The following HELLS variants were observed in gnomAD, a reference collection of about 807,000 sequenced individuals.
HELLS encodes the protein lymphoid-specific helicase.
In HELLS, 32 loss-of-function variants were observed where a neutral mutation model predicts 120.0. The ratio of observed to expected loss-of-function variants is 0.27; its 90% CI spans 0.20 to 0.36. HELLS has a LOEUF of 0.36. Ranked by LOEUF, HELLS falls within the 10% of genes least tolerant of loss-of-function variation. HELLS has a pLI of 1.00. For synonymous variants in HELLS, 341 were observed against 323.4 expected (o/e 1.05, Z -0.58); for missense variants, 650 against 993.4 (o/e 0.65, Z 4.65).
chr10:94,571,793 A>ATTTT (rs764892165), intron 7 of HELLS, among the ~76,000 whole-genome samples: 21 of 152,272 alleles, frequency 1.4e-4, no homozygotes, highest in Non-Finnish European at 1.8e-4. Context: ...GACCTTAAAG[A>ATTTT]TTTTTTAAGT....
At chr10:94,564,309 C>G (rs546146929) in intron 6 of HELLS, among the ~76,000 whole-genome samples, 1 of 152,292 alleles carries the variant, frequency 6.6e-6, no homozygotes, top group East Asian at 1.9e-4. Context: ...AGTAAAGACA[C>G]TGTCTGACCA....
At chr10:94,551,217 G>A (rs191488948) in intron 2 of HELLS, among the ~76,000 whole-genome samples, 24 of 152,220 alleles carry the variant, frequency 1.6e-4, no homozygotes, top group African/African-American at 5.5e-4. Flanking sequence ...TAATGAGTAT[G>A]CATTACTTTT....
chr10:94,559,620 ATTT>A (rs959282033), intron 4 of HELLS, among the ~76,000 whole-genome samples: 4 of 151,490 alleles, frequency 2.6e-5, no homozygotes, highest in African/African-American at 9.7e-5. Flanking sequence ...TAATTTTTGT[ATTT>A]TTAGTAGAGA....
chr10:94,546,589 T>A (rs192754969), intron 2 of HELLS, 91 bp downstream of exon 2: 2 of 1,392,382 alleles, frequency 1.4e-6, no homozygotes, highest in East Asian at 4.6e-5. Context: ...GCTTTCCTAT[T>A]TAGTGGGCTT....
At chr10:94,572,646 C>T (rs1295078581) in intron 7 of HELLS, among the ~76,000 whole-genome samples, 1 of 152,208 alleles carries the variant, frequency 6.6e-6, no homozygotes, top group Non-Finnish European at 1.5e-5. Context: ...ATAATTTGCA[C>T]ACAAGTCCAT....
In HELLS at chr10:94,590,705, C is replaced by T; in HGVS notation, c.1696C>T (p.Leu566=). Residue 566 remains leucine, a synonymous_variant, in exon 15 of 22, where the codon CTA becomes TTA. Transcript: ENST00000348459. ...TCTGAAGCTGCAGAATATAATGATG[C>T]TACTTCGTAAATGTTGTAATCATCC... is the stretch of plus-strand genomic sequence containing the variant. The part of the protein sequence containing the change: ...VNLKLQNIMM[L]LRKCCNHPYL... 1 of 1,605,314 alleles carries T rather than the reference C, an allele frequency of 6.2e-7. No homozygotes were observed. Among genetic ancestry groups the T allele is most frequent in the Non-Finnish European group, 8.5e-7 (1 of 1,172,748 alleles).
intron 6 of HELLS, chr10:94,571,161 A>C: frequency 2.9e-6 from 1 of 348,934 alleles, no homozygotes; most frequent in South Asian, 4.2e-5. Context: ...ACTGTATTTG[A>C]TGAAATATCC....
At chr10:94,593,161 A>G (rs1391838777) in intron 17 of HELLS, among the ~76,000 whole-genome samples, 1 of 152,180 alleles carries the variant, frequency 6.6e-6, no homozygotes, top group Non-Finnish European at 1.5e-5. Flanking sequence ...CAGCCCAGAA[A>G]GTTTCCTGTG....
rs1013681088 is a variant in HELLS at position 94,597,198 on chromosome 10, G to A, written c.2422+87G>A. On this transcript the variant is annotated intron_variant, in intron 21 of 21. Transcript: ENST00000348459. Reference sequence around the variant, plus strand: ...ATGAACCCCTTGTGCAATTCATTCAGCCACATGTATCCAATCTTGTTTTAT... The same window carrying A: ...ATGAACCCCTTGTGCAATTCATTCAACCACATGTATCCAATCTTGTTTTAT... The A allele has an allele frequency of 1.1e-5, 8 of 707,100 alleles. No individual in the cohort carries two copies. The African/African-American group carries it at 1.3e-4, about 11-fold the overall frequency. The allele number at this position is 707,100 out of a possible 1,614,324, so 43.8% of individuals were successfully genotyped here.
At chr10:94,562,784 C>T in intron 5 of HELLS, 28 bp from the exon 6 acceptor site, 1 of 1,526,532 alleles carries the variant, frequency 6.6e-7, no homozygotes, top group South Asian at 1.2e-5. Context: ...ATTTTAATTG[C>T]TATCAAAAAT....
chr10:94,575,523 CTG>C (rs943306223), intron 9 of HELLS, among the ~76,000 whole-genome samples: 3 of 151,680 alleles, frequency 2.0e-5, no homozygotes, highest in African/African-American at 7.3e-5. Flanking sequence ...GAAATGGAGT[CTG>C]TCTCTGTCAC....
At chr10:94,557,725 C>G (rs965341867) in intron 3 of HELLS, among the ~76,000 whole-genome samples, 3 of 152,146 alleles carry the variant, frequency 2.0e-5, no homozygotes, top group Admixed American at 2.0e-4. Flanking sequence ...GGTACTTGAC[C>G]CTGGGAATGC....
chr10:94,547,918 T>C (rs1268098219), intron 2 of HELLS, among the ~76,000 whole-genome samples: 7 of 152,238 alleles, frequency 4.6e-5, no homozygotes, highest in Non-Finnish European at 1.0e-4. Flanking sequence ...GTTAAGGTAA[T>C]ATATTAACAA....
chr10:94,572,473 A>G (rs531489651), intron 7 of HELLS, among the ~76,000 whole-genome samples: 2 of 152,192 alleles, frequency 1.3e-5, no homozygotes, highest in East Asian at 3.9e-4. Context: ...TCCACTCAAC[A>G]TGTCTGTGAT....
At chr10:94,589,079 C>A (rs1845325028) in intron 13 of HELLS, among the ~76,000 whole-genome samples, 1 of 151,986 alleles carries the variant, frequency 6.6e-6, no homozygotes. Flanking sequence ...ACCCGGGAGA[C>A]GGAGGTTGTG....
intron 6 of HELLS, among the ~76,000 whole-genome samples, chr10:94,564,943 T>C (rs1461083720): frequency 1.3e-5 from 2 of 152,226 alleles, no homozygotes; most frequent in African/African-American, 4.8e-5. Context: ...TCTACTGTTG[T>C]TCTTTTACCT....
intron 2 of HELLS, among the ~76,000 whole-genome samples, chr10:94,548,731 C>T (rs918209484): frequency 2.0e-5 from 3 of 152,026 alleles, no homozygotes; most frequent in Admixed American, 1.3e-4. Flanking sequence ...TGGTGGCTCA[C>T]GCTTGTAATC....
At chr10:94,604,805 G>A (rs1288416785), downstream of HELLS, among the ~76,000 whole-genome samples, 1 of 151,284 alleles carries the variant, frequency 6.6e-6, no homozygotes, top group Admixed American at 6.6e-5. Context: ...TTTTCTCCCT[G>A]AAGTTAATAC....
Position 94,601,679 on chromosome 10 carries a change from T to G in HELLS, c.*57T>G. The G allele has an allele frequency of 1.1e-6, 1 of 919,778 alleles. No individual in the cohort carries two copies. Among genetic ancestry groups the G allele is most frequent in the Non-Finnish European group, 1.7e-6 (1 of 583,920 alleles). 57.0% of individuals were successfully genotyped at this position (919,778 alleles called of 1,614,324 possible). ...TTATTTACATCTAGTGATTTCCCTG[T>G]ATTGGGTTTGAAATACTGATTGTCC... On this transcript the variant is annotated 3_prime_UTR_variant, in exon 22 of 22. Coordinates refer to ENST00000348459, the MANE Select transcript of HELLS (RefSeq NM_018063.5).
Sources: allele counts gnomAD v4.1 joint callset (sites outside exome capture counted in the v4.1 genomes callset), GRCh38; gene constraint gnomAD v4.1.1; transcripts MANE v1.5; gene names NCBI Gene and HGNC (gene_info 2026-07-23, HGNC 2026-07-21).